MYOC: variants seen among roughly 807,000 people sequenced by gnomAD.
MYOC encodes the protein myocilin.
MYOC carries 29 observed loss-of-function variants against 28.2 expected under a neutral mutation model. That is an observed-to-expected ratio of 1.03 (90% CI 0.77 to 1.40). MYOC has a LOEUF of 1.40. Ranked by LOEUF, MYOC falls within the 40% of genes most tolerant of loss-of-function variation. The probability of loss-of-function intolerance (pLI) is 0.00; values close to 1 mark genes in which losing one functional copy is unlikely to be tolerated. For synonymous variants in MYOC, 240 were observed against 245.6 expected, an observed-to-expected ratio of 0.98 and a Z score of 0.21; for missense variants, 569 against 620.6, an observed-to-expected ratio of 0.92 and a Z score of 0.88.
chr1:171,644,476 GGGAA>G (rs1231623216), intron 1 of MYOC, among the ~76,000 whole-genome samples: 3 of 151,854 alleles, frequency 2.0e-5, no homozygotes, highest in African/African-American at 7.3e-5. Context: ...TTGCTATAGA[GGGAA>G]GGAAGAAAGT....
At position 171,652,357 on chromosome 1, in the gene MYOC, CAGGTCT is replaced by C; in HGVS notation, c.249_254del (p.Asp84_Leu85del). The C allele has an allele frequency of 6.2e-7, 1 of 1,611,144 alleles. No individual in the cohort carries two copies. Among genetic ancestry groups the C allele is most frequent in the South Asian group, 1.1e-5 (1 of 90,980 alleles). Reference sequence around the variant, plus strand: ...AGCTGAGTCGAGCTTTGGTGGCCTCCAGGTCTAAGCGTTGGGTGCTGCTGTCTCTCT... The same window carrying C: ...AGCTGAGTCGAGCTTTGGTGGCCTCCAAGCGTTGGGTGCTGCTGTCTCTCT... On this transcript the variant is annotated inframe_deletion, in exon 1 of 3. Transcript: ENST00000037502.
intron 2 of MYOC, 147 bp from the exon 3 acceptor site, chr1:171,636,856 C>A: frequency 1.2e-6 from 1 of 847,040 alleles, no homozygotes; most frequent in South Asian, 1.4e-5. Flanking sequence ...GCTCTACCAC[C>A]CGCTGGCTGT....
intron 1 of MYOC, among the ~76,000 whole-genome samples, chr1:171,645,304 C>G (rs544473536): frequency 1.3e-5 from 2 of 152,170 alleles, no homozygotes; most frequent in East Asian, 1.9e-4. Context: ...TCCCTGCACA[C>G]GGACCTCAGT....
At chr1:171,641,016 A>G (rs1055280640) in intron 1 of MYOC, among the ~76,000 whole-genome samples, 9 of 152,190 alleles carry the variant, frequency 5.9e-5, no homozygotes, top group Non-Finnish European at 2.9e-5. Flanking sequence ...TAGAAGGCGC[A>G]ACACCAAAAA....
intron 1 of MYOC, among the ~76,000 whole-genome samples, chr1:171,645,810 A>C (rs539484214): frequency 6.6e-6 from 1 of 152,336 alleles, no homozygotes; most frequent in East Asian, 1.9e-4. Flanking sequence ...ACTGGCAAAG[A>C]AGAGGCAGCA....
chr1:171,642,888 T>TAA (rs5778705), intron 1 of MYOC, among the ~76,000 whole-genome samples: 9 of 136,694 alleles, frequency 6.6e-5, no homozygotes, highest in East Asian at 2.3e-4. Context: ...AGTCTATGTT[T>TAA]AAAAAAAAAA....
chr1:171,648,349 G>A (rs939710957), intron 1 of MYOC, among the ~76,000 whole-genome samples: 1 of 152,098 alleles, frequency 6.6e-6, no homozygotes, highest in African/African-American at 2.4e-5. Context: ...CCCCTCTGAA[G>A]GGCTTGATGG....
chr1:171,652,133 C>T lies in MYOC; in HGVS notation c.479G>A (p.Arg160Lys), dbSNP rs753688004. The change falls in exon 1 of 3, where the codon AGG (arginine) becomes AAG (lysine). Residue 160 changes from arginine (R) to lysine (K), a missense_variant. Physicochemically the swap from Arg to Lys is conservative, Grantham distance 26. Transcript: ENST00000037502. ...SVLEEEKKRLRQENENLARRL... is the reference protein window; with the variant it reads ...SVLEEEKKRLKQENENLARRL... ...CCTGGCCAGATTCTCATTTTCTTGC[C>T]TTAGTCGCTTCTTCTCTTCCTCCAG... is the stretch of plus-strand genomic sequence containing the variant. The T allele has an allele frequency of 8.1e-6, 13 of 1,614,188 alleles. No homozygotes were observed. The highest frequency in any genetic ancestry group is 6.7e-5 in the Admixed American group (4 of 60,026).
In MYOC at chr1:171,636,244, C is replaced by A. The variant is rs28936694; in HGVS notation, c.1196G>T (p.Gly399Val). 2.5e-6 allele frequency: 4 copies of A among 1,614,146 alleles called. No homozygotes were observed. In the Admixed American group the frequency reaches 6.7e-5, roughly 27 times the overall value. Reference protein sequence around the residue: ...WVIYSTDEAKGAIVLSKLNPE... With the variant: ...WVIYSTDEAKVAIVLSKLNPE... ...GTTCAGTTTGGAGAGGACAATGGCA[C>A]CTTTGGCCTCATCGGTGCTGTAAAT... The change falls in exon 3 of 3, where the codon GGT becomes GTT. Residue 399 changes from glycine to valine, a missense_variant. By Grantham distance (109) the Gly-to-Val change is moderately radical. Transcript: ENST00000037502.
At position 171,636,276 on chromosome 1, in the gene MYOC, G is replaced by C; in HGVS notation, c.1164C>G (p.Leu388=). Residue 388 remains leucine, a synonymous_variant, in exon 3 of 3, where the codon CTC becomes CTG. Transcript: ENST00000037502. ...DIDLAVDEAG[L]WVIYSTDEAK... Reference sequence around the variant, plus strand: ...CCTCATCGGTGCTGTAAATGACCCAGAGGCCTGCTTCATCCACAGCCAAGT... The same window carrying C: ...CCTCATCGGTGCTGTAAATGACCCACAGGCCTGCTTCATCCACAGCCAAGT... The C allele has an allele frequency of 6.2e-7, 1 of 1,614,160 alleles. No homozygotes were observed. Among genetic ancestry groups the C allele is most frequent in the Non-Finnish European group, 8.5e-7 (1 of 1,180,024 alleles).
At position 171,652,280 on chromosome 1, in the gene MYOC, T is replaced by C. The variant is rs1231680001; in HGVS notation, c.332A>G (p.Gln111Arg). Residue 111 changes from glutamine to arginine, a missense_variant, in exon 1 of 3, where the codon CAG (glutamine) becomes CGG (arginine). By Grantham distance (43) the Gln-to-Arg change is conservative. Coordinates refer to ENST00000037502, the MANE Select transcript of MYOC (RefSeq NM_000261.2). The stretch of plus-strand genomic sequence containing the variant: ...CCTCTGCAGCCCCTCCTGGGTCTCC[T>C]GGGGCCTGGCAGCCTGGTCCAAGGT... The part of the protein sequence containing the change: ...QLTLDQAARP[Q>R]ETQEGLQREL... 6.2e-7 allele frequency: 1 copy of C among 1,613,232 alleles called. No individual in the cohort carries two copies. The highest frequency in any genetic ancestry group is 1.3e-5 in the African/African-American group (1 of 74,836).
Position 171,638,653 on chromosome 1 carries a change from G to A in MYOC, c.674C>T (p.Ser225Phe). The A allele has an allele frequency of 6.2e-7, 1 of 1,614,186 alleles. No homozygotes were observed. The highest frequency in any genetic ancestry group is 2.2e-5 in the East Asian group (1 of 44,890). The change falls in exon 2 of 3, where the codon TCC becomes TTC. Residue 225 changes from serine to phenylalanine, a missense_variant. Coordinates refer to ENST00000037502, the MANE Select transcript of MYOC (RefSeq NM_000261.2). ...AGATGGGCTCTCCTTCAAAATTCGGGAAGCAGGAACTTCAGTTAGCTCGGA... is the reference window on the plus strand; with the variant it reads ...AGATGGGCTCTCCTTCAAAATTCGGAAAGCAGGAACTTCAGTTAGCTCGGA... Reference protein sequence around the residue: ...LKSELTEVPASRILKESPSGY... With the variant: ...LKSELTEVPAFRILKESPSGY...
chr1:171,636,542 C>T lies in MYOC; in HGVS notation c.898G>A (p.Glu300Lys), dbSNP rs748621461. Residue 300 changes from glutamate (E) to lysine (K), a missense_variant, in exon 3 of 3, where the codon GAG becomes AAG. By Grantham distance (56) the Glu-to-Lys change is moderately conservative. Coordinates refer to ENST00000037502, the MANE Select transcript of MYOC (RefSeq NM_000261.2). The part of the protein sequence containing the change: ...TVGTDVRQVF[E>K]YDLISQFMQG... ...ATAAACTGGCTGATGAGGTCATACT[C>T]AAAAACCTGGCGGACATCCGTGCCA... The T allele has an allele frequency of 6.2e-6, 10 of 1,608,876 alleles. No homozygotes were observed. Among genetic ancestry groups the T allele is most frequent in the Middle Eastern group, 1.7e-4 (1 of 6,058 alleles).
In MYOC at chr1:171,636,603, G is replaced by C. The variant is rs1652929464; in HGVS notation, c.837C>G (p.Pro279=). The change falls in exon 3 of 3, where the codon CCC becomes CCG. Residue 279 remains proline, a synonymous_variant. Coordinates refer to ENST00000037502, the MANE Select transcript of MYOC (RefSeq NM_000261.2). ...VWMRDPKPTY[P]YTQETTWRID... ...TTCTCCACGTGGTCTCCTGGGTGTA[G>C]GGGTAGGTGGGCTTGGGGTCTCGCA... The C allele has an allele frequency of 3.1e-6, 5 of 1,613,236 alleles. No homozygotes were observed. The East Asian group carries it at 1.1e-4, about 36-fold the overall frequency.
intron 2 of MYOC, among the ~76,000 whole-genome samples, chr1:171,636,991 C>T (rs1652939231): frequency 6.6e-6 from 1 of 152,134 alleles, no homozygotes; most frequent in South Asian, 2.1e-4. Context: ...ATGTTAAGTG[C>T]TTGGTATAGA....
At chr1:171,643,174 G>A in intron 1 of MYOC, among the ~76,000 whole-genome samples, 1 of 152,144 alleles carries the variant, frequency 6.6e-6, no homozygotes, top group East Asian at 1.9e-4. Flanking sequence ...TGATTCACTA[G>A]GTCAAATGGA....
Position 171,652,514 on chromosome 1 carries a change from C to A in MYOC, c.98G>T (p.Arg33Met). 6.2e-7 allele frequency: 1 copy of A among 1,614,180 alleles called. No individual in the cohort carries two copies. Among genetic ancestry groups the A allele is most frequent in the South Asian group, 1.1e-5 (1 of 91,082 alleles). The change falls in exon 1 of 3, where the codon AGG (arginine) becomes ATG (methionine). Residue 33 changes from arginine to methionine, a missense_variant. Transcript: ENST00000037502. ...ATTGGCCTTCCTGAGCTGAGCTGTC[C>A]TGGCCCCCACATCCCACACCAGGCA... ...LACLVWDVGARTAQLRKANDQ... is the reference protein window; with the variant it reads ...LACLVWDVGAMTAQLRKANDQ...
chr1:171,635,931 C>A lies in MYOC; in HGVS notation c.1509G>T (p.Lys503Asn). 2 of 1,614,104 alleles carry A rather than the reference C, an allele frequency of 1.2e-6. No individual in the cohort carries two copies. Among genetic ancestry groups the A allele is most frequent in the Non-Finnish European group, 1.7e-6 (2 of 1,180,020 alleles). Residue 503 changes from lysine to asparagine, a missense_variant, in exon 3 of 3, where the codon AAG becomes AAT. By Grantham distance (94) the Lys-to-Asn change is moderately conservative. Transcript: ENST00000037502. ...NMVTYDIKLS[K>N]M Reference sequence around the variant, plus strand: ...TGTACAGCTTGGAGGCTTTTCACATCTTGGAGAGCTTGATGTCATAAGTGA... The same window carrying A: ...TGTACAGCTTGGAGGCTTTTCACATATTGGAGAGCTTGATGTCATAAGTGA...
chr1:171,637,876 G>T lies in MYOC; in HGVS notation c.730+721C>A, dbSNP rs548741641. Among the ~76,000 whole-genome samples the T allele has an allele frequency of 1.2e-4, 19 of 152,188 alleles. No homozygotes were observed. In the East Asian group the frequency reaches 2.9e-3, roughly 23 times the overall value. ...GATCCGCCCGCCTCAGCCTCCCAAA[G>T]TGCTGGGATTACAGGCATGAGCCAC... On this transcript the variant is annotated intron_variant, in intron 2 of 2. Coordinates refer to ENST00000037502, the MANE Select transcript of MYOC (RefSeq NM_000261.2).
Sources: gnomAD v4.1 joint callset for allele counts (sites outside exome capture counted in the v4.1 genomes callset) on GRCh38, gnomAD v4.1.1 for gene constraint, MANE v1.5 for transcripts, NCBI Gene and HGNC (gene_info 2026-07-23, HGNC 2026-07-21) for gene names.